The following PPIA variants were observed in gnomAD, a reference collection of about 807,000 sequenced individuals.
PPIA encodes peptidylprolyl isomerase A, also known as peptidyl-prolyl cis-trans isomerase A.
Under a neutral mutation model 15.3 loss-of-function variants are expected in PPIA, and 2 were observed. The ratio of observed to expected loss-of-function variants is 0.13; its 90% CI spans 0.05 to 0.41. The LOEUF is 0.41. Among genes scored for constraint, PPIA ranks in the 10% least tolerant of loss-of-function variants. The probability of loss-of-function intolerance (pLI) is 0.99; values close to 1 mark genes in which losing one functional copy is unlikely to be tolerated. For missense variants in PPIA, 103 were observed against 210.3 expected, an observed-to-expected ratio of 0.49 and a Z score of 3.16; for synonymous variants, 67 against 73.1, an observed-to-expected ratio of 0.92 and a Z score of 0.43.
chr7:44,801,028 A>G (rs1052467261), intron 4 of PPIA, among the ~76,000 whole-genome samples: 1 of 151,804 alleles, frequency 6.6e-6, no homozygotes, highest in Non-Finnish European at 1.5e-5. Flanking sequence ...CGTGTTAGCC[A>G]GGATGGTCTC....
At chr7:44,800,906 C>T (rs1792535695) in intron 4 of PPIA, among the ~76,000 whole-genome samples, 1 of 152,118 alleles carries the variant, frequency 6.6e-6, no homozygotes, top group Non-Finnish European at 1.5e-5. Flanking sequence ...CAAGCTCCGC[C>T]TCCCAGGTTC....
chr7:44,796,878 G>A (rs1189801590), intron 1 of PPIA, 85 bp downstream of exon 1: 2 of 1,435,978 alleles, frequency 1.4e-6, no homozygotes, highest in Non-Finnish European at 9.4e-7. Context: ...AGGCCCGGGC[G>A]CGGGGCGACC....
chr7:44,799,576 C>G (rs1583690947), intron 3 of PPIA, 96 bp downstream of exon 3: 2 of 1,570,026 alleles, frequency 1.3e-6, no homozygotes, highest in East Asian at 2.2e-5. Context: ...AACTGTTACT[C>G]TACCATTTCG....
rs1562773306 is a variant in PPIA at position 44,801,920 on chromosome 7, A to C, written c.*498A>C. 6.1e-6 allele frequency: 1 copy of C among 163,668 alleles called. No homozygotes were observed. Among genetic ancestry groups the C allele is most frequent in the East Asian group, 1.9e-4 (1 of 5,394 alleles). 10.1% of individuals were successfully genotyped at this position (163,668 alleles called of 1,614,324 possible). On this transcript the variant is annotated 3_prime_UTR_variant, in exon 5 of 5. Transcript: ENST00000468812. ...GACGCTGTCTCTACAAAAAATAATTAGCCTGGCCTGGTGGTGCATGCCTAG... is the reference window on the plus strand; with the variant it reads ...GACGCTGTCTCTACAAAAAATAATTCGCCTGGCCTGGTGGTGCATGCCTAG...
In PPIA at chr7:44,802,005, C is replaced by T. The variant is rs890315706; in HGVS notation, c.*583C>T. The T allele has an allele frequency of 7.8e-5, 12 of 154,782 alleles. No homozygotes were observed. The highest frequency in any genetic ancestry group is 1.4e-5 in the Non-Finnish European group (1 of 69,944). 9.6% of individuals were successfully genotyped at this position (154,782 alleles called of 1,614,324 possible). A position where few individuals can be genotyped will look rare whatever the true frequency, so the allele number is the denominator to read the frequency against. On this transcript the variant is annotated 3_prime_UTR_variant, in exon 5 of 5. Coordinates refer to ENST00000468812, the MANE Select transcript of PPIA (RefSeq NM_021130.5). The stretch of plus-strand genomic sequence containing the variant: ...GCTTGAGCCTAGAGTGAGCTATTAT[C>T]ATGCCACTGTACAGCCTGGGTGTTC...
rs1562770915 is a variant in PPIA at position 44,799,238 on chromosome 7, C to G, written c.70-9C>G. On this transcript the variant is annotated splice_polypyrimidine_tract_variant and intron_variant, in intron 1 of 4. Transcript: ENST00000468812. Reference sequence around the variant, plus strand: ...GCAGATGTTAATTAACTGTAATTTTCTCTTACAGCTGTTTGCAGACAAGGT... The same window carrying G: ...GCAGATGTTAATTAACTGTAATTTTGTCTTACAGCTGTTTGCAGACAAGGT... 6.2e-7 allele frequency: 1 copy of G among 1,613,024 alleles called. No homozygotes were observed.
intron 4 of PPIA, 101 bp from the exon 5 acceptor site, chr7:44,801,186 T>TA (rs36119683): frequency 0.2 from 216,502 of 1,075,456 alleles, 7,305 homozygotes; most frequent in Non-Finnish European, 0.22. Flanking sequence ...AGGCTTCAGT[T>TA]AAAAAAAAAA....
intron 3 of PPIA, 95 bp downstream of exon 3, chr7:44,799,575 T>G: frequency 6.4e-7 from 1 of 1,569,454 alleles, no homozygotes; most frequent in East Asian, 2.2e-5. Context: ...GAACTGTTAC[T>G]CTACCATTTC....
chr7:44,799,654 C>CT lies in PPIA; in HGVS notation c.190-46dup, dbSNP rs771328827. ...GTTTGAACCTTGCAGATTTGGCACACTTCATGGTTATGTTGTCAGAAGTGA... is the reference window on the plus strand; with the variant it reads ...GTTTGAACCTTGCAGATTTGGCACACTTTCATGGTTATGTTGTCAGAAGTGA... On this transcript the variant is annotated intron_variant, in intron 3 of 4. Coordinates refer to ENST00000468812, the MANE Select transcript of PPIA (RefSeq NM_021130.5). 5 of 1,611,074 alleles carry CT rather than the reference C, an allele frequency of 3.1e-6. No individual in the cohort carries two copies. In the African/African-American group the frequency reaches 6.7e-5, roughly 22 times the overall value.
rs1353136969 is a variant in PPIA at position 44,796,801 on chromosome 7, GGGC to G, written c.69+16_69+18del. ...GGCCGCGTCTCCTTTGAGGTCGGGC[GGGC>G]GGCGGCGTGCGGGAATGGGGCCCAG... is the stretch of plus-strand genomic sequence containing the variant. On this transcript the variant is annotated intron_variant, in intron 1 of 4. Coordinates refer to ENST00000468812, the MANE Select transcript of PPIA (RefSeq NM_021130.5). The G allele has an allele frequency of 6.2e-7, 1 of 1,603,006 alleles. No homozygotes were observed. The highest frequency in any genetic ancestry group is 1.1e-5 in the South Asian group (1 of 90,726).
At chr7:44,799,996 TAGA>T (rs1024264352) in intron 4 of PPIA, 122 bp downstream of exon 4, 17 of 996,786 alleles carry the variant, frequency 1.7e-5, no homozygotes, top group Middle Eastern at 2.4e-4. Context: ...CCTAAGATAC[TAGA>T]AGAAGAGCAT....
intron 1 of PPIA, chr7:44,798,935 A>G: frequency 9.0e-7 from 1 of 1,114,324 alleles, no homozygotes; most frequent in Non-Finnish European, 1.1e-6. Flanking sequence ...GGGGGTGGTG[A>G]TAGACATTTA....
At position 44,801,407 on chromosome 7, in the gene PPIA, T is replaced by C. The variant is rs542563630; in HGVS notation, c.483T>C (p.Cys161=). Residue 161 remains cysteine (C), a synonymous_variant, in exon 5 of 5, where the codon TGT becomes TGC. Transcript: ENST00000468812. ...GCAAGAAGATCACCATTGCTGACTG[T>C]GGACAACTCGAATAAGTTTGACTTG... ...KTSKKITIAD[C]GQLE 99 of 1,552,496 alleles carry C rather than the reference T, an allele frequency of 6.4e-5. No individual in the cohort carries two copies. In the South Asian group the frequency reaches 1.0e-3, roughly 16 times the overall value.
intron 4 of PPIA, chr7:44,800,082 G>C (rs778882742): frequency 1.7e-6 from 1 of 600,234 alleles, no homozygotes; most frequent in Non-Finnish European, 2.9e-6. Flanking sequence ...CCTTAGCTGG[G>C]TGGTTGAATT....
At position 44,796,681 on chromosome 7, in the gene PPIA, G is replaced by T. The variant is rs776617362; in HGVS notation, c.-44G>T. On this transcript the variant is annotated 5_prime_UTR_variant, in exon 1 of 5. Transcript: ENST00000468812. ...AGGGGCGGGAGGCCAGGCTCGTGCCGTTTTGCAGACGCCACCGCCGAGGAA... is the reference window on the plus strand; with the variant it reads ...AGGGGCGGGAGGCCAGGCTCGTGCCTTTTTGCAGACGCCACCGCCGAGGAA... 1.9e-6 allele frequency: 3 copies of T among 1,595,986 alleles called. No homozygotes were observed. Among genetic ancestry groups the T allele is most frequent in the Non-Finnish European group, 1.7e-6 (2 of 1,166,788 alleles).
At chr7:44,798,694 G>A in intron 1 of PPIA, 9 of 949,208 alleles carry the variant, frequency 9.5e-6, no homozygotes, top group Non-Finnish European at 1.1e-5. Context: ...ATTCAAGAAA[G>A]GTTCAAAACC....
intron 1 of PPIA, 145 bp downstream of exon 1, chr7:44,796,938 G>T (rs925146590): frequency 1.1e-6 from 1 of 885,812 alleles, no homozygotes; most frequent in Non-Finnish European, 1.6e-6. Flanking sequence ...TCCTGACGAG[G>T]GGCCATTTTG....
Position 44,796,733 on chromosome 7 carries a change from C to T in PPIA, c.9C>T (p.Asn3=). 3 of 1,610,594 alleles carry T rather than the reference C, an allele frequency of 1.9e-6. No homozygotes were observed. The highest frequency in any genetic ancestry group is 2.5e-6 in the Non-Finnish European group (3 of 1,178,956). The part of the protein sequence containing the change: MV[N]PTVFFDIAVD... ...ACCGTGTACTATTAGCCATGGTCAACCCCACCGTGTTCTTCGACATTGCCG... is the reference window on the plus strand; with the variant it reads ...ACCGTGTACTATTAGCCATGGTCAATCCCACCGTGTTCTTCGACATTGCCG... Residue 3 remains asparagine, a synonymous_variant, in exon 1 of 5, where the codon AAC becomes AAT. Transcript: ENST00000468812.
chr7:44,797,033 G>T (rs921443070), intron 1 of PPIA, among the ~76,000 whole-genome samples: 39 of 152,082 alleles, frequency 2.6e-4, no homozygotes, highest in Non-Finnish European at 2.2e-4. Context: ...GGGGGAGGGG[G>T]CCCGCGTCCG....
Sources: gnomAD v4.1 joint callset for allele counts (sites outside exome capture counted in the v4.1 genomes callset) on GRCh38, gnomAD v4.1.1 for gene constraint, MANE v1.5 for transcripts, NCBI Gene and HGNC (gene_info 2026-07-23, HGNC 2026-07-21) for gene names.